VDAC1: variants seen among roughly 807,000 people sequenced by gnomAD.
VDAC1 encodes the protein non-selective voltage-gated ion channel VDAC1.
VDAC1 carries 10 observed loss-of-function variants against 34.7 expected under a neutral mutation model. That is an observed-to-expected ratio of 0.29 (90% CI 0.18 to 0.49). The LOEUF is 0.49. Among genes scored for constraint, VDAC1 ranks in the 20% least tolerant of loss-of-function variants. The pLI is 0.99. For synonymous variants in VDAC1, 130 were observed against 136.0 expected, an observed-to-expected ratio of 0.96 and a Z score of 0.30; for missense variants, 230 against 347.9, an observed-to-expected ratio of 0.66 and a Z score of 2.69.
the VDAC1 span, among the ~76,000 whole-genome samples, chr5:134,033,154 A>ATTT: frequency 0.015 from 1,908 of 125,364 alleles, 19 homozygotes; most frequent in Non-Finnish European, 0.023. Context: ...GTAGAAACTA[A>ATTT]TTTTTTTTTT....
chr5:134,000,644 T>C (rs776823427), intron 1 of VDAC1, among the ~76,000 whole-genome samples: 8 of 152,186 alleles, frequency 5.3e-5, no homozygotes, highest in African/African-American at 1.9e-4. Flanking sequence ...TTTCTAGGTA[T>C]GTGACTTTGG....
intron 7 of VDAC1, 123 bp from the exon 8 acceptor site, chr5:133,973,971 C>T (rs2126890100): frequency 1.3e-6 from 1 of 775,378 alleles, no homozygotes; most frequent in East Asian, 2.5e-5. Context: ...TTCATGACCA[C>T]CTTGTTCATG....
chr5:133,979,573 G>C (rs1752612831), intron 6 of VDAC1, among the ~76,000 whole-genome samples: 1 of 151,550 alleles, frequency 6.6e-6, no homozygotes, highest in Non-Finnish European at 1.5e-5. Flanking sequence ...GGGATTACAG[G>C]CACCCGCCAC....
At chr5:134,043,045 G>A in the VDAC1 span, among the ~76,000 whole-genome samples, 1 of 152,230 alleles carries the variant, frequency 6.6e-6, no homozygotes, top group Non-Finnish European at 1.5e-5. Flanking sequence ...AGCAGGGGCA[G>A]ATCCAGGGAG....
At chr5:133,979,843 TC>T (rs1371388130) in intron 6 of VDAC1, among the ~76,000 whole-genome samples, 1 of 152,204 alleles carries the variant, frequency 6.6e-6, no homozygotes, top group Non-Finnish European at 1.5e-5. Context: ...ACTCCCTCAG[TC>T]ACTGCTTTGT....
chr5:133,979,647 C>T lies in VDAC1; in HGVS notation c.551+1082G>A, dbSNP rs190455405. 3.6e-3 allele frequency among the ~76,000 whole-genome samples: 541 copies of T among 152,212 alleles called. 1 individual carries two copies. The highest frequency in any genetic ancestry group is 5.4e-3 in the Non-Finnish European group (370 of 68,014). On this transcript the variant is annotated intron_variant, in intron 6 of 8. Coordinates refer to ENST00000265333, the MANE Select transcript of VDAC1 (RefSeq NM_003374.3). ...GTTTCACCTTCTTGACCAGGCTGGT[C>T]TTGAACTTCTGACCTCGTGATCCAC...
At chr5:134,083,661 C>G in the VDAC1 span, among the ~76,000 whole-genome samples, 1 of 152,246 alleles carries the variant, frequency 6.6e-6, no homozygotes, top group Admixed American at 6.5e-5. Context: ...CCCCTCTGCA[C>G]AGATGTCTCC....
chr5:134,100,483 T>C, the VDAC1 span, among the ~76,000 whole-genome samples: 4 of 152,220 alleles, frequency 2.6e-5, no homozygotes, highest in Admixed American at 2.6e-4. Context: ...CAGGGGGTCC[T>C]GCCTGTGATC....
intron 1 of VDAC1, among the ~76,000 whole-genome samples, chr5:134,002,995 C>G (rs1022722652): frequency 7.9e-5 from 12 of 151,304 alleles, no homozygotes; most frequent in African/African-American, 2.9e-4. Flanking sequence ...GATCAAAGGA[C>G]TATGGTCTGG....
At chr5:134,034,050 A>G in the VDAC1 span, among the ~76,000 whole-genome samples, 1 of 152,130 alleles carries the variant, frequency 6.6e-6, no homozygotes, top group South Asian at 2.1e-4. Context: ...CAGCCACGTG[A>G]AAAAGGTGGG....
chr5:134,002,483 C>T (rs1232015216), intron 1 of VDAC1, among the ~76,000 whole-genome samples: 1 of 152,182 alleles, frequency 6.6e-6, no homozygotes, highest in African/African-American at 2.4e-5. Flanking sequence ...CCCATGTCAC[C>T]CTCCCTGCAA....
the VDAC1 span, among the ~76,000 whole-genome samples, chr5:134,068,048 G>A: frequency 6.6e-6 from 1 of 152,120 alleles, no homozygotes; most frequent in African/African-American, 2.4e-5. Context: ...GACCTGGGAG[G>A]TGGAGGTTGC....
the VDAC1 span, among the ~76,000 whole-genome samples, chr5:134,018,667 A>G: frequency 6.6e-6 from 1 of 152,128 alleles, no homozygotes; most frequent in Non-Finnish European, 1.5e-5. Flanking sequence ...GTCATGCCAG[A>G]TAGGAGGATA....
At position 133,975,930 on chromosome 5, in the gene VDAC1, T is replaced by C. The variant is rs1160182944; in HGVS notation, c.643A>G (p.Ser215Gly). 6.2e-7 allele frequency: 1 copy of C among 1,613,230 alleles called. No homozygotes were observed. The highest frequency in any genetic ancestry group is 2.2e-5 in the East Asian group (1 of 44,804). ...GCTGCTATTCCGAAGCGCGTGTTAC[T>C]GTTTCCTGCTGTCCAGGCAAGATTG... ...AVNLAWTAGN[S>G]NTRFGIAAKY... is the part of the protein sequence containing the mutation. The change falls in exon 7 of 9, where the codon AGT becomes GGT. Residue 215 changes from serine (S) to glycine (G), a missense_variant. Physicochemically the swap from Ser to Gly is moderately conservative, Grantham distance 56. Transcript: ENST00000265333.
chr5:134,096,550 A>T, the VDAC1 span, among the ~76,000 whole-genome samples: 3 of 148,916 alleles, frequency 2.0e-5, no homozygotes, highest in Admixed American at 6.7e-5. Flanking sequence ...CTGCTCTCAC[A>T]CCCCTGCCTT....
At chr5:133,995,883 C>T (rs2126994890) in intron 1 of VDAC1, among the ~76,000 whole-genome samples, 1 of 152,354 alleles carries the variant, frequency 6.6e-6, no homozygotes, top group South Asian at 2.1e-4. Flanking sequence ...ACTTAACACC[C>T]TGCCAGGGTG....
At chr5:134,050,328 T>G in the VDAC1 span, among the ~76,000 whole-genome samples, 2 of 152,350 alleles carry the variant, frequency 1.3e-5, no homozygotes, top group Non-Finnish European at 2.9e-5. Context: ...TTTGAAGTAC[T>G]TTACCCTTCT....
chr5:134,000,021 A>G (rs976804241), intron 1 of VDAC1, among the ~76,000 whole-genome samples: 3 of 152,180 alleles, frequency 2.0e-5, no homozygotes, highest in Non-Finnish European at 4.4e-5. Context: ...CCTGAGGACC[A>G]GGAAAAGCAA....
chr5:134,106,510 C>G, the VDAC1 span, among the ~76,000 whole-genome samples: 6 of 151,120 alleles, frequency 4.0e-5, no homozygotes, highest in Admixed American at 6.6e-5. Flanking sequence ...TGAGTTCAAG[C>G]GATTCTCCTG....
Sources: gnomAD v4.1 joint callset for allele counts (sites outside exome capture counted in the v4.1 genomes callset) on GRCh38, gnomAD v4.1.1 for gene constraint, MANE v1.5 for transcripts, NCBI Gene and HGNC (gene_info 2026-07-23, HGNC 2026-07-21) for gene names.